Variants in SCARA5 observed in about 807,000 individuals in gnomAD.
SCARA5 encodes scavenger receptor class A member 5.
In SCARA5, 45 loss-of-function variants were observed where a neutral mutation model predicts 46.3. That is an observed-to-expected ratio of 0.97 (90% CI 0.76 to 1.24). The LOEUF (loss-of-function observed/expected upper bound fraction) is 1.24. SCARA5 is among the 50% of genes most tolerant of loss of function. The pLI is 0.00. For missense variants in SCARA5, 680 were observed against 689.0 expected, an observed-to-expected ratio of 0.99 and a Z score of 0.15; for synonymous variants, 333 against 306.5, an observed-to-expected ratio of 1.09 and a Z score of -0.90.
chr8:27,925,485 A>G (rs1018142050), intron 3 of SCARA5, among the ~76,000 whole-genome samples: 1 of 152,230 alleles, frequency 6.6e-6, no homozygotes, highest in Non-Finnish European at 1.5e-5. Context: ...ACAAAAATTA[A>G]TTCAAGACAG....
intron 7 of SCARA5, among the ~76,000 whole-genome samples, chr8:27,902,830 A>G (rs1402723271): frequency 6.6e-6 from 1 of 152,112 alleles, no homozygotes; most frequent in East Asian, 1.9e-4. Context: ...AGTCAGACAC[A>G]CCCAGTTAAG....
chr8:27,972,853 C>G (rs1808467470), intron 2 of SCARA5, among the ~76,000 whole-genome samples: 1 of 151,916 alleles, frequency 6.6e-6, no homozygotes, highest in African/African-American at 2.4e-5. Context: ...AGAGCAAGAC[C>G]CTGACTCCCA....
intron 7 of SCARA5, among the ~76,000 whole-genome samples, chr8:27,883,865 C>T (rs982038606): frequency 7.9e-5 from 12 of 152,118 alleles, no homozygotes; most frequent in Admixed American, 2.6e-4. Flanking sequence ...CTAATAAGCG[C>T]GGCACTCCTG....
chr8:27,944,820 A>T (rs1808008074), intron 3 of SCARA5, among the ~76,000 whole-genome samples: 1 of 151,960 alleles, frequency 6.6e-6, no homozygotes, highest in African/African-American at 2.4e-5. Flanking sequence ...CAGTGAGCCG[A>T]GATCACGCCA....
At chr8:27,977,433 C>T (rs530202222) in intron 2 of SCARA5, among the ~76,000 whole-genome samples, 11 of 152,298 alleles carry the variant, frequency 7.2e-5, no homozygotes, top group South Asian at 2.1e-4. Context: ...GGACTCCCAG[C>T]GGATCAGCCG....
chr8:27,924,834 A>C (rs911112027), intron 3 of SCARA5, among the ~76,000 whole-genome samples: 3 of 152,228 alleles, frequency 2.0e-5, no homozygotes, highest in African/African-American at 7.2e-5. Flanking sequence ...GCATTCCTAT[A>C]CACCAATAAC....
At chr8:27,873,775 A>C (rs1275972051) in intron 8 of SCARA5, among the ~76,000 whole-genome samples, 1 of 152,222 alleles carries the variant, frequency 6.6e-6, no homozygotes, top group Non-Finnish European at 1.5e-5. Flanking sequence ...TAATCTCAGC[A>C]CTTTGGGAGG....
At chr8:27,959,069 C>T (rs1350931549) in intron 3 of SCARA5, among the ~76,000 whole-genome samples, 3 of 152,090 alleles carry the variant, frequency 2.0e-5, no homozygotes, top group African/African-American at 7.2e-5. Flanking sequence ...CCTGTCTCTA[C>T]TAAAAATACA....
At chr8:27,934,026 G>A (rs1219742960) in intron 3 of SCARA5, among the ~76,000 whole-genome samples, 2 of 152,152 alleles carry the variant, frequency 1.3e-5, no homozygotes, top group Non-Finnish European at 2.9e-5. Flanking sequence ...ATTTCATTTG[G>A]ATTTATGTGA....
At chr8:27,948,770 T>G (rs923142519) in intron 3 of SCARA5, among the ~76,000 whole-genome samples, 4 of 152,180 alleles carry the variant, frequency 2.6e-5, no homozygotes, top group African/African-American at 9.7e-5. Flanking sequence ...CTAGTTAAAT[T>G]GAAAGCAATG....
intron 3 of SCARA5, among the ~76,000 whole-genome samples, chr8:27,965,329 G>T (rs975058009): frequency 6.6e-6 from 1 of 152,200 alleles, no homozygotes; most frequent in Non-Finnish European, 1.5e-5. Flanking sequence ...CCAGATTCCT[G>T]CCCTGGGCTT....
At chr8:27,880,809 T>C (rs1806798551) in intron 7 of SCARA5, among the ~76,000 whole-genome samples, 1 of 137,432 alleles carries the variant, frequency 7.3e-6, no homozygotes, top group African/African-American at 2.7e-5. Flanking sequence ...GAGCCACGTT[T>C]GTGCCACTGC....
intron 3 of SCARA5, among the ~76,000 whole-genome samples, chr8:27,933,010 T>C (rs1485101391): frequency 6.6e-6 from 1 of 152,152 alleles, no homozygotes; most frequent in Admixed American, 6.5e-5. Context: ...CTTAGAAACC[T>C]CCTTAAAGGC....
chr8:27,958,101 C>T (rs1004785245), intron 3 of SCARA5, among the ~76,000 whole-genome samples: 12 of 152,194 alleles, frequency 7.9e-5, no homozygotes, highest in Admixed American at 7.9e-4. Flanking sequence ...GGGTGCTCTG[C>T]AGTGTCCTGA....
At chr8:27,940,644 ACCC>A (rs1807928275) in intron 3 of SCARA5, among the ~76,000 whole-genome samples, 1 of 19,470 alleles carries the variant, frequency 5.1e-5, no homozygotes, top group Non-Finnish European at 1.1e-4. Context: ...CCACCCACCC[ACCC>A]ATCCATTTGT....
intron 3 of SCARA5, among the ~76,000 whole-genome samples, chr8:27,964,999 C>T (rs1284404517): frequency 6.6e-6 from 1 of 152,192 alleles, no homozygotes; most frequent in East Asian, 1.9e-4. Flanking sequence ...AGCCCGAGAA[C>T]ATGTTCAAAT....
intron 1 of SCARA5, among the ~76,000 whole-genome samples, chr8:27,988,360 C>T (rs533474721): frequency 3.3e-5 from 5 of 152,232 alleles, no homozygotes; most frequent in African/African-American, 4.8e-5. Context: ...TCTGGGTCTA[C>T]GCCATGATGG....
intron 3 of SCARA5, among the ~76,000 whole-genome samples, chr8:27,927,380 A>G (rs1807697283): frequency 1.3e-5 from 2 of 152,236 alleles, no homozygotes; most frequent in Non-Finnish European, 2.9e-5. Flanking sequence ...ATAGTCACAT[A>G]AACCTAAACA....
chr8:27,972,893 T>C (rs1424779883), intron 2 of SCARA5, among the ~76,000 whole-genome samples: 1 of 152,028 alleles, frequency 6.6e-6, no homozygotes, highest in African/African-American at 2.4e-5. Context: ...GAAGGTAGTA[T>C]ATTAAGAATT....
Sources: gnomAD v4.1 joint callset for allele counts (sites outside exome capture counted in the v4.1 genomes callset) on GRCh38, gnomAD v4.1.1 for gene constraint, MANE v1.5 for transcripts, NCBI Gene and HGNC (gene_info 2026-07-23, HGNC 2026-07-21) for gene names.